SLC12A3: variants seen among roughly 807,000 people sequenced by gnomAD.
SLC12A3 encodes the protein Na-Cl cotransporter.
A neutral mutation model predicts 121.0 loss-of-function variants in SLC12A3; 104 were observed. The ratio of observed to expected loss-of-function variants is 0.86; its 90% CI spans 0.73 to 1.01. SLC12A3 has a LOEUF of 1.01. Ranked by LOEUF, SLC12A3 falls within the 50% of genes least tolerant of loss-of-function variation. The pLI is 0.00. For missense variants in SLC12A3, 1,328 were observed against 1,356.3 expected, an observed-to-expected ratio of 0.98 and a Z score of 0.33; for synonymous variants, 536 against 533.4, an observed-to-expected ratio of 1.00 and a Z score of -0.07.
chr16:56,903,818 C>T (rs965583546), intron 24 of SLC12A3, among the ~76,000 whole-genome samples: 3 of 152,216 alleles, frequency 2.0e-5, no homozygotes, highest in African/African-American at 7.2e-5. Flanking sequence ...CCAAAGGGCC[C>T]ATGCAGCCAT....
chr16:56,875,585 T>C (rs1204686976), intron 8 of SLC12A3, among the ~76,000 whole-genome samples: 1 of 151,962 alleles, frequency 6.6e-6, no homozygotes, highest in Non-Finnish European at 1.5e-5. Flanking sequence ...AACAAATACG[T>C]TTTGTGCTGC....
chr16:56,884,751 A>G (rs2055288054), intron 14 of SLC12A3, among the ~76,000 whole-genome samples: 1 of 152,042 alleles, frequency 6.6e-6, no homozygotes, highest in Non-Finnish European at 1.5e-5. Flanking sequence ...TATCGTGTGG[A>G]GCTTGAGGTG....
chr16:56,869,655 A>G (rs1034668763), intron 3 of SLC12A3, 74 bp from the exon 4 acceptor site: 9 of 1,172,732 alleles, frequency 7.7e-6, no homozygotes, highest in Non-Finnish European at 1.1e-5. Flanking sequence ...CGTAGGTCGC[A>G]TGGTGAATGA....
At chr16:56,912,946 A>T (rs1377842256) in intron 25 of SLC12A3, among the ~76,000 whole-genome samples, 1 of 151,972 alleles carries the variant, frequency 6.6e-6, no homozygotes, top group African/African-American at 2.4e-5. Flanking sequence ...TGAGCTTGGC[A>T]TTTTTTTAGG....
At position 56,899,517 on chromosome 16, in the gene SLC12A3, A is replaced by G. The variant is rs1463678741; in HGVS notation, c.2634-13A>G. The G allele has an allele frequency of 1.9e-5, 30 of 1,603,418 alleles. No individual in the cohort carries two copies. The highest frequency in any genetic ancestry group is 2.5e-5 in the Non-Finnish European group (29 of 1,170,228). On this transcript the variant is annotated splice_polypyrimidine_tract_variant and intron_variant, in intron 22 of 25. Coordinates refer to ENST00000563236, the MANE Select transcript of SLC12A3 (RefSeq NM_001126108.2). ...AAAAAGTAATAACAATAAACCCTCC[A>G]TGTGTCCTCCAGGATCATTTCTCTG...
intron 8 of SLC12A3, among the ~76,000 whole-genome samples, chr16:56,875,137 GCGCGC>G (rs201383223): frequency 0.13 from 19,670 of 151,990 alleles, 1,288 homozygotes; most frequent in Non-Finnish European, 0.14. Context: ...GATGAGGCCC[GCGCGC>G]CTGCACTCTG....
chr16:56,887,239 T>A, intron 17 of SLC12A3, 146 bp downstream of exon 17: 1 of 933,054 alleles, frequency 1.1e-6, no homozygotes. Context: ...GTTTTACTTG[T>A]CACCCAGGCT....
At chr16:56,896,283 C>T (rs895249651) in intron 22 of SLC12A3, among the ~76,000 whole-genome samples, 2 of 152,294 alleles carry the variant, frequency 1.3e-5, no homozygotes, top group South Asian at 2.1e-4. Flanking sequence ...AGCCTTGGCC[C>T]GTCCTTCCCT....
Position 56,914,245 on chromosome 16 carries a change from C to T in SLC12A3, c.*840C>T, listed in dbSNP as rs2055724316. 1 of 152,192 alleles carries T rather than the reference C, an allele frequency of 6.6e-6. No individual in the cohort carries two copies. The highest frequency in any genetic ancestry group is 6.5e-5 in the Admixed American group (1 of 15,268). The allele number at this position is 152,192 out of a possible 1,614,324, so 9.4% of individuals were successfully genotyped here. ...CTTGAACCACTTCTCACTCCCGTCA[C>T]TTTCAATAAGGGGTCTTTGATGTCT... is the stretch of plus-strand genomic sequence containing the variant. On this transcript the variant is annotated 3_prime_UTR_variant, in exon 26 of 26. Coordinates refer to ENST00000563236, the MANE Select transcript of SLC12A3 (RefSeq NM_001126108.2).
intron 10 of SLC12A3, 84 bp downstream of exon 10, chr16:56,879,311 G>T: frequency 1.9e-6 from 3 of 1,565,466 alleles, no homozygotes; most frequent in Non-Finnish European, 2.6e-6. Context: ...GAAGTTTGTT[G>T]GGGGGACATA....
chr16:56,894,286 T>A lies in SLC12A3; in HGVS notation c.2522-245T>A, dbSNP rs1241116649. On this transcript the variant is annotated intron_variant, in intron 21 of 25. Coordinates refer to ENST00000563236, the MANE Select transcript of SLC12A3 (RefSeq NM_001126108.2). ...TCCCATAGTGCTGGGATTATAGGCATGAGCCATGGCGCCCGGCCGCCAGCT... is the reference window on the plus strand; with the variant it reads ...TCCCATAGTGCTGGGATTATAGGCAAGAGCCATGGCGCCCGGCCGCCAGCT... 1.3e-5 allele frequency among the ~76,000 whole-genome samples: 2 copies of A among 152,186 alleles called. 1 individual carries two copies. The highest frequency in any genetic ancestry group is 4.8e-5 in the African/African-American group (2 of 41,432).
intron 1 of SLC12A3, among the ~76,000 whole-genome samples, chr16:56,866,393 C>A (rs773584672): frequency 1.3e-5 from 2 of 152,166 alleles, no homozygotes; most frequent in Admixed American, 1.3e-4. Flanking sequence ...AGATGAAGTG[C>A]CAGGAAGAAA....
chr16:56,912,784 G>A (rs1183296296), intron 25 of SLC12A3, among the ~76,000 whole-genome samples: 1 of 152,214 alleles, frequency 6.6e-6, no homozygotes, highest in Non-Finnish European at 1.5e-5. Context: ...GGTGATGTGA[G>A]GAAGAGGCGT....
chr16:56,891,841 G>A (rs2055392232), intron 19 of SLC12A3, among the ~76,000 whole-genome samples: 1 of 152,220 alleles, frequency 6.6e-6, no homozygotes, highest in Non-Finnish European at 1.5e-5. Context: ...CACCGCCACG[G>A]CCCAAGGTGG....
In SLC12A3 at chr16:56,909,610, G is replaced by A. The variant is rs115439640; in HGVS notation, c.2925-3654G>A. Among the ~76,000 whole-genome samples, 930 of 152,260 alleles carry A rather than the reference G, an allele frequency of 6.1e-3. 7 individuals are homozygous for A. Among genetic ancestry groups the A allele is most frequent in the African/African-American group, 0.021 (877 of 41,548 alleles). ...CCCCAGCTATTGGGCCAAGTCCACCGGGAGGACAGAGCAGCTGCATCTCTC... is the reference window on the plus strand; with the variant it reads ...CCCCAGCTATTGGGCCAAGTCCACCAGGAGGACAGAGCAGCTGCATCTCTC... On this transcript the variant is annotated intron_variant, in intron 25 of 25. Coordinates refer to ENST00000563236, the MANE Select transcript of SLC12A3 (RefSeq NM_001126108.2).
intron 18 of SLC12A3, among the ~76,000 whole-genome samples, chr16:56,889,753 G>A (rs1407853316): frequency 6.6e-6 from 1 of 152,182 alleles, no homozygotes; most frequent in East Asian, 1.9e-4. Flanking sequence ...GGGATTACAG[G>A]CGTAAACCAC....
rs543336318 is a variant in SLC12A3, at chr16:56,869,928, G to C, written c.601+104G>C. 5.1e-6 allele frequency: 7 copies of C among 1,373,322 alleles called. No individual in the cohort carries two copies. The South Asian group carries it at 7.0e-5, about 14-fold the overall frequency. 85.1% of individuals were successfully genotyped at this position (1,373,322 alleles called of 1,614,324 possible). Reference sequence around the variant, plus strand: ...CCCAATGGTACACCCAGCCGCTCCTGTGGTTCCGGGAGAGGGCTCTAGGCA... The same window carrying C: ...CCCAATGGTACACCCAGCCGCTCCTCTGGTTCCGGGAGAGGGCTCTAGGCA... On this transcript the variant is annotated intron_variant, in intron 4 of 25. Transcript: ENST00000563236.
At chr16:56,899,741 A>G in intron 23 of SLC12A3, 125 bp downstream of exon 23, 1 of 760,324 alleles carries the variant, frequency 1.3e-6, no homozygotes, top group Admixed American at 1.9e-5. Context: ...CCCTTCCTAG[A>G]TGTGTCAGAG....
intron 3 of SLC12A3, 95 bp downstream of exon 3, chr16:56,868,467 C>T: frequency 1.6e-6 from 2 of 1,263,712 alleles, no homozygotes; most frequent in South Asian, 2.5e-5. Flanking sequence ...CCCAAGGTTG[C>T]AGGATTAAAC....
Sources: allele counts gnomAD v4.1 joint callset (sites outside exome capture counted in the v4.1 genomes callset), GRCh38; gene constraint gnomAD v4.1.1; transcripts MANE v1.5; gene names NCBI Gene and HGNC (gene_info 2026-07-23, HGNC 2026-07-21).